The following TENM1 variants were observed in gnomAD, a reference collection of about 807,000 sequenced individuals.
TENM1 encodes the protein teneurin transmembrane protein 1, also known as teneurin-1.
A neutral mutation model predicts 174.8 loss-of-function variants in TENM1; 35 were observed. The ratio of observed to expected loss-of-function variants is 0.20; its 90% CI spans 0.15 to 0.27. The LOEUF (loss-of-function observed/expected upper bound fraction) is 0.27, where lower values mean the gene tolerates loss of function less well. TENM1 is among the 10% of genes least tolerant of loss of function. The pLI is 1.00. For synonymous variants in TENM1, 781 were observed against 798.7 expected (o/e 0.98, Z 0.37); for missense variants, 1,633 against 2,130.1 (o/e 0.77, Z 4.59).
At chrX:125,150,300 A>G in the TENM1 span, among the ~76,000 whole-genome samples, 1 of 112,104 alleles carries the variant, frequency 8.9e-6, no homozygotes, top group Non-Finnish European at 1.9e-5. Context: ...GGTAGGGCTT[A>G]GTCAAAACTC....
At chrX:125,114,742 T>C in the TENM1 span, among the ~76,000 whole-genome samples, 3 of 111,297 alleles carry the variant, frequency 2.7e-5, no homozygotes, top group Non-Finnish European at 1.9e-5. Flanking sequence ...ATTGAGGCAG[T>C]AATTAATAGC....
intron 3 of TENM1, among the ~76,000 whole-genome samples, chrX:124,779,679 C>A (rs2054863478): frequency 1.8e-5 from 2 of 111,715 alleles, no homozygotes; most frequent in Admixed American, 1.9e-4. Context: ...GTTCCAAATA[C>A]ACTTTTTCCC....
exon 32 of TENM1, chrX:124,378,011 C>T (rs1361809747): frequency 3.6e-5 from 4 of 110,489 alleles, no homozygotes; most frequent in Non-Finnish European, 7.6e-5. Flanking sequence ...TTCTTTCCTC[C>T]CTCAAGCTTT....
intron 1 of TENM1, among the ~76,000 whole-genome samples, chrX:124,938,815 A>G (rs907979541): frequency 9.0e-6 from 1 of 111,683 alleles, no homozygotes; most frequent in African/African-American, 3.3e-5. Context: ...TTGTATATAC[A>G]TCGATGCTCA....
intron 14 of TENM1, among the ~76,000 whole-genome samples, chrX:124,559,673 GA>G (rs919601527): frequency 6.5e-5 from 7 of 107,698 alleles, no homozygotes; most frequent in African/African-American, 1.7e-4. Flanking sequence ...GTCTCAAAAA[GA>G]AAAAAAAATG....
At chrX:125,099,840 C>T in the TENM1 span, among the ~76,000 whole-genome samples, 2 of 112,153 alleles carry the variant, frequency 1.8e-5, no homozygotes, top group East Asian at 5.6e-4. Flanking sequence ...GATAAAACCA[C>T]TATGGACTTC....
the TENM1 span, among the ~76,000 whole-genome samples, chrX:125,044,940 G>T: frequency 9.0e-6 from 1 of 111,682 alleles, no homozygotes; most frequent in Non-Finnish European, 1.9e-5. Flanking sequence ...CTCTCAGGAA[G>T]GGTATTAATC....
intron 10 of TENM1, among the ~76,000 whole-genome samples, chrX:124,644,002 G>T (rs1222174863): frequency 9.9e-6 from 1 of 100,946 alleles, no homozygotes; most frequent in Admixed American, 1.1e-4. Context: ...AAACTCCAGT[G>T]CCTTGTCTAG....
At chrX:124,465,305 G>A (rs182583995) in intron 22 of TENM1, among the ~76,000 whole-genome samples, 1 of 112,017 alleles carries the variant, frequency 8.9e-6, no homozygotes, top group East Asian at 2.8e-4. Context: ...CTGGAGTGCA[G>A]TGGCATGATC....
intron 5 of TENM1, among the ~76,000 whole-genome samples, chrX:124,683,679 C>A (rs1001823114): frequency 8.9e-6 from 1 of 111,959 alleles, no homozygotes; most frequent in Admixed American, 9.5e-5. Flanking sequence ...TCTACTGGTT[C>A]TACAATCTTT....
At position 124,384,908 on chromosome X, in the gene TENM1, T is replaced by A. The variant is rs893806928; in HGVS notation, c.6077-54A>T. 6.5e-6 allele frequency: 7 copies of A among 1,079,828 alleles called. No individual in the cohort carries two copies. The African/African-American group carries it at 1.3e-4, about 20-fold the overall frequency. The allele number at this position is 1,079,828 out of a possible 1,213,427, so 89.0% of individuals were successfully genotyped here. A position where few individuals can be genotyped will look rare whatever the true frequency, so the allele number is the denominator to read the frequency against. ...AAGCTAGGCGATCAATGTGGAAGAGTCAGAAAGGTCTAGTGTTATTTTATT... is the reference window on the plus strand; with the variant it reads ...AAGCTAGGCGATCAATGTGGAAGAGACAGAAAGGTCTAGTGTTATTTTATT... On this transcript the variant is annotated intron_variant, in intron 29 of 31. Coordinates refer to ENST00000422452, the Ensembl canonical transcript of TENM1.
intron 16 of TENM1, among the ~76,000 whole-genome samples, chrX:124,527,461 G>T (rs2048000347): frequency 9.0e-6 from 1 of 110,583 alleles, no homozygotes; most frequent in Non-Finnish European, 1.9e-5. Flanking sequence ...CTTTGAGAGA[G>T]CTGACAGCTT....
chrX:124,903,326 T>C (rs1017404653), intron 1 of TENM1, among the ~76,000 whole-genome samples: 11 of 111,546 alleles, frequency 9.9e-5, no homozygotes, highest in Admixed American at 3.8e-4. Context: ...AGAATGCAGT[T>C]AAAAGGCTAT....
At chrX:124,636,379 G>A (rs1241992562) in intron 11 of TENM1, among the ~76,000 whole-genome samples, 1 of 111,782 alleles carries the variant, frequency 8.9e-6, no homozygotes, top group Admixed American at 9.5e-5. Flanking sequence ...CAATCTGCTA[G>A]TTTTATTAGG....
the TENM1 span, among the ~76,000 whole-genome samples, chrX:125,019,637 C>G: frequency 9.1e-6 from 1 of 110,481 alleles, no homozygotes; most frequent in South Asian, 3.8e-4. Context: ...ATAAAATGAG[C>G]CATTTGGATA....
At chrX:124,517,293 C>T (rs888477602) in intron 18 of TENM1, among the ~76,000 whole-genome samples, 1 of 110,835 alleles carries the variant, frequency 9.0e-6, no homozygotes, top group Non-Finnish European at 1.9e-5. Context: ...TACCCCTGAA[C>T]TTAAAATAAA....
chrX:125,134,573 C>A, the TENM1 span, among the ~76,000 whole-genome samples: 8 of 112,005 alleles, frequency 7.1e-5, no homozygotes, highest in Non-Finnish European at 1.5e-4. Context: ...CCCCGAAACT[C>A]CCAATTATGA....
At chrX:124,971,281 A>C in the TENM1 span, among the ~76,000 whole-genome samples, 1 of 111,417 alleles carries the variant, frequency 9.0e-6, no homozygotes. Context: ...AACTTAAAGT[A>C]TAATAATAAT....
intron 25 of TENM1, among the ~76,000 whole-genome samples, chrX:124,408,424 G>A (rs2060488200): frequency 1.8e-5 from 2 of 111,638 alleles, no homozygotes; most frequent in African/African-American, 3.3e-5. Context: ...TATTACAGGC[G>A]TGAGCCACCA....
Sources: allele counts gnomAD v4.1 joint callset (sites outside exome capture counted in the v4.1 genomes callset), GRCh38; gene constraint gnomAD v4.1.1; transcripts MANE v1.5; gene names NCBI Gene and HGNC (gene_info 2026-07-23, HGNC 2026-07-21).